ABHD2: variants seen among roughly 807,000 people sequenced by gnomAD.
The protein encoded by ABHD2 is abhydrolase domain containing 2, acylglycerol lipase, also known as monoacylglycerol lipase ABHD2.
A neutral mutation model predicts 48.1 loss-of-function variants in ABHD2; 20 were observed. That is an observed-to-expected ratio of 0.42 (90% confidence interval 0.29 to 0.60). The LOEUF is 0.60. Ranked by LOEUF, ABHD2 falls within the 20% of genes least tolerant of loss-of-function variation. The pLI is 0.24. For missense variants in ABHD2, 405 were observed against 550.9 expected, an observed-to-expected ratio of 0.74 and a Z score of 2.65; for synonymous variants, 209 against 214.2, an observed-to-expected ratio of 0.98 and a Z score of 0.21.
chr15:89,044,237 C>T, the ABHD2 span, among the ~76,000 whole-genome samples: 9 of 152,166 alleles, frequency 5.9e-5, no homozygotes, highest in Non-Finnish European at 8.8e-5. Flanking sequence ...ATGAACTCAT[C>T]ATTTTTTATA....
chr15:89,111,384 G>C (rs2049872427), intron 1 of ABHD2, among the ~76,000 whole-genome samples: 1 of 152,224 alleles, frequency 6.6e-6, no homozygotes, highest in Non-Finnish European at 1.5e-5. Context: ...AGAAGTCACA[G>C]TGGCTTCAAC....
rs929603915 is a variant in ABHD2 at position 89,184,586 on chromosome 15, G to A, written c.723-838G>A. On this transcript the variant is annotated intron_variant, in intron 6 of 10. Coordinates refer to ENST00000352732, the MANE Select transcript of ABHD2 (RefSeq NM_152924.5). This position sits in a 1 kb window ranked among gnomAD's most constrained non-coding sequence, Gnocchi z 5.1. ...CATGGCTGGTGGGAGTGAGCCCACT[G>A]GTGTTTGTTCACCTGCTGTGTGGTC... Among the ~76,000 whole-genome samples the A allele has an allele frequency of 6.6e-5, 10 of 152,214 alleles. No homozygotes were observed. Among genetic ancestry groups the A allele is most frequent in the Non-Finnish European group, 1.5e-4 (10 of 68,032 alleles).
At chr15:89,105,772 G>A (rs1338712873) in intron 1 of ABHD2, among the ~76,000 whole-genome samples, 2 of 152,196 alleles carry the variant, frequency 1.3e-5, no homozygotes, top group African/African-American at 2.4e-5. Context: ...GTGTTTCTCA[G>A]CATCTCTGGA....
At chr15:89,135,891 G>A (rs564434083) in intron 3 of ABHD2, 52 of 637,234 alleles carry the variant, frequency 8.2e-5, no homozygotes, top group Admixed American at 2.0e-4. Context: ...GAAGAAGGCC[G>A]AAGGAGGCCT....
intron 5 of ABHD2, among the ~76,000 whole-genome samples, chr15:89,160,159 T>C (rs2050740034): frequency 6.6e-6 from 1 of 152,234 alleles, no homozygotes; most frequent in Non-Finnish European, 1.5e-5. Flanking sequence ...CCTGGGCTGG[T>C]GGAAAAGGAG....
intron 3 of ABHD2, among the ~76,000 whole-genome samples, chr15:89,121,927 C>T (rs1416441045): frequency 6.6e-6 from 1 of 152,196 alleles, no homozygotes; most frequent in Non-Finnish European, 1.5e-5. Context: ...CTCCTGAGCT[C>T]AAGCTATCCT....
At chr15:89,191,039 T>G in intron 8 of ABHD2, 41 bp from the exon 9 acceptor site, 1 of 1,592,364 alleles carries the variant, frequency 6.3e-7, no homozygotes, top group Non-Finnish European at 8.6e-7. Flanking sequence ...AAGACCAATG[T>G]TTTGTCCTTT....
chr15:89,119,902 A>AT (rs1017046271), intron 3 of ABHD2, among the ~76,000 whole-genome samples: 1 of 152,080 alleles, frequency 6.6e-6, no homozygotes, highest in African/African-American at 2.4e-5. Context: ...GACTTTGAAG[A>AT]TTTTTTTCCT....
At chr15:89,048,585 C>T in the ABHD2 span, among the ~76,000 whole-genome samples, 1 of 152,082 alleles carries the variant, frequency 6.6e-6, no homozygotes, top group Non-Finnish European at 1.5e-5. Context: ...TTCTTGGAGG[C>T]TTTGCTCATT....
rs766147852 is a variant in ABHD2, at chr15:89,175,809, C to T, written c.539-3C>T. The T allele has an allele frequency of 4.3e-6, 7 of 1,613,878 alleles. No individual in the cohort carries two copies. The African/African-American group carries it at 6.7e-5, about 15-fold the overall frequency. On this transcript the variant is annotated splice_polypyrimidine_tract_variant and splice_region_variant and intron_variant, in intron 5 of 10. Coordinates refer to ENST00000352732, the MANE Select transcript of ABHD2 (RefSeq NM_152924.5). The surrounding 1 kb of genome is among the most constrained non-coding windows in gnomAD (Gnocchi z 5.7). ...TTGAGCAATCTCACCCTTTTGCCCA[C>T]AGGCTGCACGTGGGAATTTGGAGCC...
chr15:89,139,984 GGA>G (rs2050376939), intron 3 of ABHD2, among the ~76,000 whole-genome samples: 1 of 152,192 alleles, frequency 6.6e-6, no homozygotes, highest in Admixed American at 6.5e-5. Flanking sequence ...TAGCCCTGAT[GGA>G]GAGAGTTTTC....
chr15:89,050,993 T>C, the ABHD2 span, among the ~76,000 whole-genome samples: 1 of 150,854 alleles, frequency 6.6e-6, no homozygotes, highest in South Asian at 2.1e-4. Flanking sequence ...AGCACTTTGG[T>C]AGGCCCAGGT....
intron 10 of ABHD2, among the ~76,000 whole-genome samples, chr15:89,194,012 GT>G (rs1189924481): frequency 1.3e-5 from 2 of 151,904 alleles, no homozygotes. Flanking sequence ...GATCACTTGA[GT>G]CCAGAAGTTC....
intron 1 of ABHD2, among the ~76,000 whole-genome samples, chr15:89,095,335 C>T (rs2150775505): frequency 6.6e-6 from 1 of 152,328 alleles, no homozygotes; most frequent in South Asian, 2.1e-4. Flanking sequence ...ACTGCAGCAG[C>T]ATTTGGCGGG....
the ABHD2 span, among the ~76,000 whole-genome samples, chr15:89,070,475 T>C: frequency 6.6e-6 from 1 of 152,148 alleles, no homozygotes; most frequent in Non-Finnish European, 1.5e-5. Flanking sequence ...AGTTCCTACA[T>C]TGGGTCTGGA....
Position 89,186,155 on chromosome 15 carries a change from A to AG in ABHD2, c.815+641dup, listed in dbSNP as rs2051205685. ...AGGATGCTTCTGTGCCTGGGGGATC[A>AG]GGACTCATTCTTGGCTGGCGCTTGG... On this transcript the variant is annotated intron_variant, in intron 7 of 10. Transcript: ENST00000352732. The surrounding 1 kb of genome is among the most constrained non-coding windows in gnomAD (Gnocchi z 4.3). Among the ~76,000 whole-genome samples, 1 of 152,142 alleles carries AG rather than the reference A, an allele frequency of 6.6e-6. No homozygotes were observed. The highest frequency in any genetic ancestry group is 2.4e-5 in the African/African-American group (1 of 41,436).
chr15:89,053,455 C>A, the ABHD2 span, among the ~76,000 whole-genome samples: 1 of 152,180 alleles, frequency 6.6e-6, no homozygotes, highest in Non-Finnish European at 1.5e-5. Flanking sequence ...CTTATAGAAA[C>A]AAAGGCAGCC....
rs1200697981 is a variant in ABHD2 at position 89,097,444 on chromosome 15, A to G, written c.-107+8881A>G. 6.6e-6 allele frequency among the ~76,000 whole-genome samples: 1 copy of G among 152,234 alleles called. No homozygotes were observed. Among genetic ancestry groups the G allele is most frequent in the Non-Finnish European group, 1.5e-5 (1 of 68,036 alleles). The stretch of plus-strand genomic sequence containing the variant: ...AAATTTCCAATTGTTTAAAAATGGC[A>G]TAAGTGTTTTTCTCCTTAAGCTTAA... On this transcript the variant is annotated intron_variant, in intron 1 of 10. Coordinates refer to ENST00000352732, the MANE Select transcript of ABHD2 (RefSeq NM_152924.5). The surrounding 1 kb of genome is among the most constrained non-coding windows in gnomAD (Gnocchi z 4.2).
At chr15:89,059,836 T>A in the ABHD2 span, among the ~76,000 whole-genome samples, 1 of 152,262 alleles carries the variant, frequency 6.6e-6, no homozygotes, top group Admixed American at 6.5e-5. Context: ...TCCTTCTTCC[T>A]GCTGCAGGGT....
Sources: allele counts gnomAD v4.1 joint callset (sites outside exome capture counted in the v4.1 genomes callset), GRCh38; gene constraint gnomAD v4.1.1; non-coding constraint Gnocchi (gnomAD v3.1); transcripts MANE v1.5; gene names NCBI Gene and HGNC (gene_info 2026-07-23, HGNC 2026-07-21).